Variants in COX18 observed in about 807,000 individuals in gnomAD.
COX18 encodes the protein cytochrome c oxidase assembly factor COX18.
COX18 carries 45 observed loss-of-function variants against 38.0 expected under a neutral mutation model. The observed-to-expected ratio is 1.18, with a 90% CI of 0.93 to 1.52. COX18 has a LOEUF of 1.52. Among genes scored for constraint, COX18 ranks in the 40% most tolerant of loss-of-function variants. The pLI is 0.00. For missense variants in COX18, 462 were observed against 423.8 expected, an observed-to-expected ratio of 1.09 and a Z score of -0.79; for synonymous variants, 177 against 169.8, an observed-to-expected ratio of 1.04 and a Z score of -0.33.
chr4:73,064,154 G>A (rs1443195031), intron 4 of COX18, among the ~76,000 whole-genome samples: 15 of 152,046 alleles, frequency 9.9e-5, no homozygotes, highest in African/African-American at 3.6e-4. Context: ...GTGTGGTGGT[G>A]TGCGCCTATA....
At position 73,067,864 on chromosome 4, in the gene COX18, A is replaced by AAAAAATATATATATAT; in HGVS notation, c.434+164_434+165insATATATATATATTTTT. 3.0e-3 allele frequency among the ~76,000 whole-genome samples: 59 copies of AAAAAATATATATATAT among 19,988 alleles called. 1 individual carries two copies. The highest frequency in any genetic ancestry group is 7.0e-3 in the East Asian group (3 of 430). The allele number at this position is 19,988 out of a possible 152,430, so 13.1% of individuals were successfully genotyped here. A position where few individuals can be genotyped will look rare whatever the true frequency, so the allele number is the denominator to read the frequency against. On this transcript the variant is annotated intron_variant, in intron 2 of 5. Transcript: ENST00000507544. ...CTCAAAAAAAAAAAAAAAAAAAAAA[A>AAAAAATATATATATAT]ATATATATATATATATATATAAAAA...
chr4:73,054,262 C>T lies in COX18; in HGVS notation c.*3852G>A, dbSNP rs1719815334. The T allele has an allele frequency of 6.6e-6, 1 of 152,238 alleles. No individual in the cohort carries two copies. The allele number at this position is 152,238 out of a possible 1,614,324, so 9.4% of individuals were successfully genotyped here. On this transcript the variant is annotated 3_prime_UTR_variant, in exon 6 of 6. Transcript: ENST00000507544. ...CATATTCCCTGTTCTGTAGCCCTGA[C>T]TTCATTCAGGTTCTGGAACTGCTCC...
chr4:73,064,411 C>A (rs1720327484), intron 4 of COX18, among the ~76,000 whole-genome samples: 1 of 152,158 alleles, frequency 6.6e-6, no homozygotes, highest in African/African-American at 2.4e-5. Context: ...CCTACAAATT[C>A]ACATATTAAA....
Position 73,056,587 on chromosome 4 carries a change from C to G in COX18, c.*1527G>C, listed in dbSNP as rs539537869. Reference sequence around the variant, plus strand: ...GTTAGGGACTTGTATGCATGGACTACTTTACTGCATATATTTCAAGTTGCC... The same window carrying G: ...GTTAGGGACTTGTATGCATGGACTAGTTTACTGCATATATTTCAAGTTGCC... On this transcript the variant is annotated 3_prime_UTR_variant, in exon 6 of 6. Coordinates refer to ENST00000507544, the MANE Select transcript of COX18 (RefSeq NM_001297732.2). 6.6e-6 allele frequency: 1 copy of G among 152,116 alleles called. No individual in the cohort carries two copies. Among genetic ancestry groups the G allele is most frequent in the Admixed American group, 6.6e-5 (1 of 15,254 alleles). The allele number at this position is 152,116 out of a possible 1,614,324, so 9.4% of individuals were successfully genotyped here. A position where few individuals can be genotyped will look rare whatever the true frequency, so the allele number is the denominator to read the frequency against.
chr4:73,062,861 A>G (rs1194843810), intron 4 of COX18, among the ~76,000 whole-genome samples: 2 of 152,030 alleles, frequency 1.3e-5, no homozygotes, highest in East Asian at 3.9e-4. Context: ...AGGAAAAAAA[A>G]AAAAAGACTT....
chr4:73,062,462 A>G (rs1720221103), intron 4 of COX18, among the ~76,000 whole-genome samples: 1 of 152,190 alleles, frequency 6.6e-6, no homozygotes, highest in African/African-American at 2.4e-5. Context: ...TTTATATGGT[A>G]GCTATTGTCA....
intron 1 of COX18, 88 bp downstream of exon 1, chr4:73,069,229 G>C (rs1577960803): frequency 2.1e-6 from 2 of 964,814 alleles, no homozygotes; most frequent in East Asian, 5.3e-5. Context: ...AGGCAACATC[G>C]TGCGATCGAA....
chr4:73,065,126 C>A, intron 3 of COX18, 124 bp downstream of exon 3: 1 of 1,009,576 alleles, frequency 9.9e-7, no homozygotes, highest in Non-Finnish European at 1.4e-6. Flanking sequence ...AAATTCTATA[C>A]CCTTATAAGG....
At chr4:73,066,931 C>T (rs1054351499) in intron 2 of COX18, among the ~76,000 whole-genome samples, 2 of 152,064 alleles carry the variant, frequency 1.3e-5, no homozygotes, top group Non-Finnish European at 2.9e-5. Context: ...ACACATAACA[C>T]AGATTGATAC....
intron 2 of COX18, 112 bp from the exon 3 acceptor site, chr4:73,065,525 T>C: frequency 3.3e-6 from 3 of 910,378 alleles, no homozygotes; most frequent in Non-Finnish European, 4.9e-6. Context: ...AAAGGATTTG[T>C]ATAAGGGTTT....
At position 73,069,611 on chromosome 4, in the gene COX18, G is replaced by A. The variant is rs1239397600; in HGVS notation, c.39C>T (p.Leu13=). Residue 13 remains leucine, a synonymous_variant, in exon 1 of 6, where the codon CTC becomes CTT. Transcript: ENST00000507544. ...CCCTAGCCCAAAGCTGCAGGGCAGG[G>A]AGCGGCCGCAGCCACCGACCGCCGA... is the stretch of plus-strand genomic sequence containing the variant. ...CRLGGRWLRP[L]PALQLWARDL... is the part of the protein sequence containing the mutation. 5.9e-5 allele frequency: 91 copies of A among 1,553,988 alleles called. No homozygotes were observed. The highest frequency in any genetic ancestry group is 7.5e-5 in the Non-Finnish European group (86 of 1,153,212).
At chr4:73,067,864 A>AAAAAAATATAT in intron 2 of COX18, among the ~76,000 whole-genome samples, 165 bp downstream of exon 2, 14 of 20,018 alleles carry the variant, frequency 7.0e-4, no homozygotes, top group South Asian at 3.5e-3. Context: ...AAAAAAAAAA[A>AAAAAAATATAT]ATATATATAT....
intron 2 of COX18, among the ~76,000 whole-genome samples, chr4:73,066,463 G>A (rs1478130004): frequency 3.3e-5 from 5 of 152,180 alleles, no homozygotes; most frequent in Admixed American, 1.3e-4. Context: ...CAAAGTGGGA[G>A]GATTGCTTGA....
chr4:73,069,653 T>C lies in COX18; in HGVS notation c.-4A>G, dbSNP rs1274411885. 4 of 1,546,558 alleles carry C rather than the reference T, an allele frequency of 2.6e-6. No homozygotes were observed. The highest frequency in any genetic ancestry group is 2.7e-5 in the African/African-American group (2 of 73,776). On this transcript the variant is annotated 5_prime_UTR_variant, in exon 1 of 6. Transcript: ENST00000507544. ...GACCGCCGAGCCGGCACAGCATTTC[T>C]GCACCACGGCGGAGCCCAGATCCCG... is the stretch of plus-strand genomic sequence containing the variant.
intron 2 of COX18, among the ~76,000 whole-genome samples, chr4:73,067,219 T>C (rs929989318): frequency 1.3e-4 from 20 of 152,212 alleles, no homozygotes; most frequent in South Asian, 6.2e-4. Context: ...ACCTCCTCTT[T>C]CCTGTAGGCT....
chr4:73,058,337 C>T (rs1719995901), intron 5 of COX18, 50 bp from the exon 6 acceptor site: 2 of 1,334,424 alleles, frequency 1.5e-6, no homozygotes, highest in South Asian at 2.6e-5. Context: ...ACAAGGACAT[C>T]ACAGTCCAGA....
intron 1 of COX18, 72 bp from the exon 2 acceptor site, chr4:73,068,201 T>C (rs1720568349): frequency 2.2e-6 from 2 of 907,574 alleles, no homozygotes; most frequent in East Asian, 5.4e-5. Flanking sequence ...ATCTTTCACA[T>C]TATTCCCTCG....
chr4:73,064,650 G>A (rs1209294174), intron 4 of COX18, 128 bp downstream of exon 4: 1 of 1,081,190 alleles, frequency 9.2e-7, no homozygotes, highest in African/African-American at 1.6e-5. Flanking sequence ...GTGGAACCAG[G>A]AACCAAGGGA....
At chr4:73,060,664 T>G (rs1720108899) in intron 5 of COX18, among the ~76,000 whole-genome samples, 1 of 151,954 alleles carries the variant, frequency 6.6e-6, no homozygotes, top group African/African-American at 2.4e-5. Flanking sequence ...GTGGATCACC[T>G]GGGTCAGGAG....
Sources: gnomAD v4.1 joint callset for allele counts (sites outside exome capture counted in the v4.1 genomes callset) on GRCh38, gnomAD v4.1.1 for gene constraint, MANE v1.5 for transcripts, NCBI Gene and HGNC (gene_info 2026-07-23, HGNC 2026-07-21) for gene names.